The following PPP1R12B variants were observed in gnomAD, a reference collection of about 807,000 sequenced individuals.
The protein encoded by PPP1R12B is protein phosphatase 1 regulatory subunit 12B, also known as myosin phosphatase target subunit 2.
Under a neutral mutation model 126.1 loss-of-function variants are expected in PPP1R12B, and 76 were observed. That is an observed-to-expected ratio of 0.60 (90% confidence interval 0.50 to 0.73). PPP1R12B has a LOEUF of 0.73. PPP1R12B is among the 30% of genes least tolerant of loss of function. The probability of loss-of-function intolerance (pLI) is 0.00; values close to 1 mark genes in which losing one functional copy is unlikely to be tolerated. For missense variants in PPP1R12B, 1,052 were observed against 1,205.1 expected, an observed-to-expected ratio of 0.87 and a Z score of 1.88; for synonymous variants, 356 against 434.7, an observed-to-expected ratio of 0.82 and a Z score of 2.25.
intron 14 of PPP1R12B, among the ~76,000 whole-genome samples, chr1:202,490,566 A>G (rs1678724164): frequency 6.6e-6 from 1 of 152,204 alleles, no homozygotes; most frequent in Non-Finnish European, 1.5e-5. Flanking sequence ...TTGTATAACT[A>G]TCACCACCAT....
intron 13 of PPP1R12B, among the ~76,000 whole-genome samples, chr1:202,477,490 A>G (rs1676814620): frequency 6.6e-6 from 1 of 152,134 alleles, no homozygotes; most frequent in Non-Finnish European, 1.5e-5. Context: ...TAGGTCTTTT[A>G]TTATTATTTA....
chr1:202,563,050 TC>T (rs1198535321), intron 20 of PPP1R12B, 128 bp downstream of exon 20: 1 of 1,092,412 alleles, frequency 9.2e-7, no homozygotes, highest in African/African-American at 1.6e-5. Flanking sequence ...TAATAATAAT[TC>T]CTTGCAGTTT....
chr1:202,531,891 G>A (rs1558339729), intron 18 of PPP1R12B, among the ~76,000 whole-genome samples: 1 of 152,164 alleles, frequency 6.6e-6, no homozygotes, highest in East Asian at 1.9e-4. Flanking sequence ...CCCCAAGAAA[G>A]GGTTCTTAGA....
intron 18 of PPP1R12B, among the ~76,000 whole-genome samples, chr1:202,523,393 G>C (rs1264795404): frequency 6.6e-6 from 1 of 152,220 alleles, no homozygotes; most frequent in Non-Finnish European, 1.5e-5. Flanking sequence ...GTGGGTCTGA[G>C]TATATCTTAT....
intron 18 of PPP1R12B, among the ~76,000 whole-genome samples, chr1:202,518,363 T>C (rs1682388952): frequency 6.6e-6 from 1 of 152,242 alleles, no homozygotes; most frequent in Admixed American, 6.5e-5. Context: ...TGGTTAAGTA[T>C]ACTATGATTT....
intron 1 of PPP1R12B, among the ~76,000 whole-genome samples, chr1:202,374,493 CTTT>C (rs1160730172): frequency 3.4e-5 from 3 of 89,504 alleles, no homozygotes; most frequent in East Asian, 7.6e-4. Flanking sequence ...TTGTCTCTCT[CTTT>C]TTTTTTTTTT....
At chr1:202,425,458 T>C (rs544757978) in intron 3 of PPP1R12B, 108 bp from the exon 4 acceptor site, 1 of 1,218,940 alleles carries the variant, frequency 8.2e-7, no homozygotes, top group East Asian at 2.4e-5. Context: ...GATGGCTAAA[T>C]TGTTATTTGT....
Position 202,502,482 on chromosome 1 carries a change from T to C in PPP1R12B, c.2490+5660T>C, listed in dbSNP as rs1190730391. Reference sequence around the variant, plus strand: ...ATTTTCCATTTTGTCCTGCCTTCACTTTTGTAAGCATCTTAATTCAACAAG... The same window carrying C: ...ATTTTCCATTTTGTCCTGCCTTCACCTTTGTAAGCATCTTAATTCAACAAG... On this transcript the variant is annotated intron_variant, in intron 18 of 23. Transcript: ENST00000608999. 3.1e-6 allele frequency: 3 copies of C among 979,898 alleles called. No individual in the cohort carries two copies. In the Admixed American group the frequency reaches 1.8e-4, roughly 60 times the overall value. The allele number at this position is 979,898 out of a possible 1,614,324, so 60.7% of individuals were successfully genotyped here.
intron 18 of PPP1R12B, among the ~76,000 whole-genome samples, chr1:202,556,374 A>G (rs1484656084): frequency 2.6e-5 from 4 of 152,214 alleles, no homozygotes; most frequent in African/African-American, 9.6e-5. Context: ...CACACTTCTC[A>G]GAGCATTAAC....
At chr1:202,559,834 A>G (rs998407298) in intron 19 of PPP1R12B, among the ~76,000 whole-genome samples, 1 of 152,208 alleles carries the variant, frequency 6.6e-6, no homozygotes, top group Non-Finnish European at 1.5e-5. Flanking sequence ...AAATTGTTGG[A>G]GAGTGGTATT....
At chr1:202,472,228 A>G (rs1300616431) in intron 13 of PPP1R12B, 2 of 470,754 alleles carry the variant, frequency 4.2e-6, no homozygotes, top group Non-Finnish European at 7.4e-6. Context: ...TTGTCTTTTA[A>G]TGTCTATATT....
chr1:202,522,141 C>T (rs924838284), intron 18 of PPP1R12B, among the ~76,000 whole-genome samples: 8 of 151,968 alleles, frequency 5.3e-5, no homozygotes, highest in African/African-American at 1.9e-4. Flanking sequence ...TTCAGATACA[C>T]GAAGCTAAGT....
intron 13 of PPP1R12B, 149 bp from the exon 14 acceptor site, chr1:202,488,384 T>C (rs1678427195): frequency 1.6e-6 from 1 of 609,306 alleles, no homozygotes; most frequent in Admixed American, 3.3e-5. Context: ...TAATGTTTGC[T>C]GATGGTTGAT....
At chr1:202,446,236 C>CTATATA (rs1290788219) in intron 12 of PPP1R12B, among the ~76,000 whole-genome samples, 1 of 88,056 alleles carries the variant, frequency 1.1e-5, no homozygotes, top group South Asian at 5.6e-4. Flanking sequence ...CTCTCTCTCT[C>CTATATA]TATATATATA....
intron 18 of PPP1R12B, among the ~76,000 whole-genome samples, chr1:202,555,193 T>C (rs1686757509): frequency 6.6e-6 from 1 of 151,896 alleles, no homozygotes; most frequent in Admixed American, 6.6e-5. Flanking sequence ...TTAATTGTGC[T>C]TCTAGAACAT....
intron 18 of PPP1R12B, among the ~76,000 whole-genome samples, chr1:202,520,613 G>A (rs1036595435): frequency 1.3e-5 from 2 of 152,024 alleles, no homozygotes; most frequent in Non-Finnish European, 2.9e-5. Context: ...ATGGAAATTT[G>A]TCTCTACTAC....
chr1:202,570,219 GTCTT>G (rs982197677), intron 23 of PPP1R12B, among the ~76,000 whole-genome samples: 5 of 152,022 alleles, frequency 3.3e-5, no homozygotes, highest in African/African-American at 1.2e-4. Context: ...ATCCCCAAAT[GTCTT>G]TCTATGAGCA....
At chr1:202,397,135 T>C (rs1571814381) in intron 1 of PPP1R12B, among the ~76,000 whole-genome samples, 1 of 152,216 alleles carries the variant, frequency 6.6e-6, no homozygotes, top group African/African-American at 2.4e-5. Flanking sequence ...TCAAGACTTA[T>C]CAATGCTCTC....
chr1:202,585,626 C>CAA lies in PPP1R12B; in HGVS notation c.*5067_*5068dup, dbSNP rs1331872945. The CAA allele has an allele frequency of 6.6e-6, 1 of 152,136 alleles. No homozygotes were observed. Among genetic ancestry groups the CAA allele is most frequent in the Non-Finnish European group, 1.5e-5 (1 of 68,024 alleles). 9.4% of individuals were successfully genotyped at this position (152,136 alleles called of 1,614,324 possible). On this transcript the variant is annotated 3_prime_UTR_variant, in exon 24 of 24. Coordinates refer to ENST00000608999, the MANE Select transcript of PPP1R12B (RefSeq NM_002481.4). ...AAAATTCTTTCTAACCTCAAAAATCCAAGTCCAGAATTTTTTGTTTTCTTC... is the reference window on the plus strand; with the variant it reads ...AAAATTCTTTCTAACCTCAAAAATCCAAAAGTCCAGAATTTTTTGTTTTCTTC...
Sources: gnomAD v4.1 joint callset for allele counts (sites outside exome capture counted in the v4.1 genomes callset) on GRCh38, gnomAD v4.1.1 for gene constraint, MANE v1.5 for transcripts, NCBI Gene and HGNC (gene_info 2026-07-23, HGNC 2026-07-21) for gene names.